Variants in ZNF625 observed in about 807,000 individuals in gnomAD.
ZNF625 encodes the protein zinc finger protein 625.
In ZNF625, 8 loss-of-function variants were observed where a neutral mutation model predicts 11.1. That is an observed-to-expected ratio of 0.72 (90% CI 0.42 to 1.30). ZNF625 has a LOEUF of 1.30. Among genes scored for constraint, ZNF625 ranks in the 50% most tolerant of loss-of-function variants. The pLI is 0.01. For missense variants in ZNF625, 349 were observed against 447.6 expected (o/e 0.78, Z 1.99); for synonymous variants, 145 against 153.4 (o/e 0.95, Z 0.41).
Position 12,146,075 on chromosome 19 carries a change from C to G in ZNF625, c.341G>C (p.Arg114Thr), listed in dbSNP as rs1165370523. ...EVSVGHASLN[R>T]HHRADTGHKP... ...GTGTCCAGTGTCAGCTCTGTGGTGCCTATTAAGGGATGCATGACCCACGCT... is the reference window on the plus strand; with the variant it reads ...GTGTCCAGTGTCAGCTCTGTGGTGCGTATTAAGGGATGCATGACCCACGCT... Residue 114 changes from arginine to threonine, a missense_variant, in exon 4 of 4, where the codon AGG becomes ACG. Physicochemically the swap from Arg to Thr is moderately conservative, Grantham distance 71. Transcript: ENST00000439556. 2.5e-6 allele frequency: 4 copies of G among 1,614,038 alleles called. No individual in the cohort carries two copies. Among genetic ancestry groups the G allele is most frequent in the Middle Eastern group, 1.6e-4 (1 of 6,062 alleles).
At chr19:12,150,414 G>A (rs1397085652) in intron 1 of ZNF625, among the ~76,000 whole-genome samples, 1 of 152,100 alleles carries the variant, frequency 6.6e-6, no homozygotes, top group African/African-American at 2.4e-5. Context: ...ACCCCACCCT[G>A]GCCCCTCCAA....
At position 12,145,198 on chromosome 19, in the gene ZNF625, G is replaced by C. The variant is rs1205521014; in HGVS notation, c.*99C>G. ...TGAATGCTGTCAAATGACAGTGACT[G>C]CAGAAGCTTCAGAATAATTTTGCGA... On this transcript the variant is annotated 3_prime_UTR_variant, in exon 4 of 4. Coordinates refer to ENST00000439556, the MANE Select transcript of ZNF625 (RefSeq NM_145233.4). 7.4e-7 allele frequency: 1 copy of C among 1,352,178 alleles called. No homozygotes were observed. Among genetic ancestry groups the C allele is most frequent in the Non-Finnish European group, 1.0e-6 (1 of 992,048 alleles). The allele number at this position is 1,352,178 out of a possible 1,614,324, so 83.8% of individuals were successfully genotyped here. A position where few individuals can be genotyped will look rare whatever the true frequency, so the allele number is the denominator to read the frequency against.
intron 1 of ZNF625, among the ~76,000 whole-genome samples, chr19:12,154,341 C>T (rs534555333): frequency 6.6e-6 from 1 of 152,266 alleles, no homozygotes; most frequent in African/African-American, 2.4e-5. Flanking sequence ...TCAGGAACTA[C>T]AGGTGGGTGC....
rs1390513210 is a variant in ZNF625 at position 12,155,214 on chromosome 19, G to T, written c.3+1342C>A. ...GCACTCCAGCCTGGGCGAGAGTGAG[G>T]CTCCATCTCAAAAAAAAAAAAAAAC... On this transcript the variant is annotated intron_variant, in intron 1 of 3. Coordinates refer to ENST00000439556, the MANE Select transcript of ZNF625 (RefSeq NM_145233.4). 2.2e-5 allele frequency among the ~76,000 whole-genome samples: 3 copies of T among 138,600 alleles called. No homozygotes were observed. The Admixed American group carries it at 2.2e-4, about 10-fold the overall frequency. The allele number at this position is 138,600 out of a possible 152,430, so 90.9% of individuals were successfully genotyped here. A position where few individuals can be genotyped will look rare whatever the true frequency, so the allele number is the denominator to read the frequency against.
chr19:12,156,648 G>T lies in ZNF625; in HGVS notation c.-90C>A. On this transcript the variant is annotated 5_prime_UTR_variant, in exon 1 of 4. Transcript: ENST00000439556. ...GGGCGATGGAGCGACAGAAGCTATG[G>T]CGGAGGCACCTGGTCCCTCTCGGGG... is the stretch of plus-strand genomic sequence containing the variant. The T allele has an allele frequency of 8.3e-7, 1 of 1,207,272 alleles. No individual in the cohort carries two copies. The highest frequency in any genetic ancestry group is 1.0e-6 in the Non-Finnish European group (1 of 958,892). The allele number at this position is 1,207,272 out of a possible 1,614,324, so 74.8% of individuals were successfully genotyped here.
At chr19:12,151,377 ATTT>A (rs35302529) in intron 1 of ZNF625, among the ~76,000 whole-genome samples, 5 of 111,670 alleles carry the variant, frequency 4.5e-5, no homozygotes, top group Admixed American at 2.7e-4. Context: ...CACCTGGGTA[ATTT>A]TTTTTTTTTT....
rs1382203540 is a variant in ZNF625, at chr19:12,145,661, C to T, written c.755G>A (p.Cys252Tyr). ...TGEKPYECSE[C>Y]GKAFHSSTCL... is the part of the protein sequence containing the mutation. ...TGTGGAACTATGGAATGCTTTCCCA[C>T]ACTCACTGCATTCATAAGGCTTCTC... The change falls in exon 4 of 4, where the codon TGT becomes TAT. Residue 252 changes from cysteine (C) to tyrosine (Y), a missense_variant. Transcript: ENST00000439556. 6.2e-7 allele frequency: 1 copy of T among 1,614,058 alleles called. No homozygotes were observed. The highest frequency in any genetic ancestry group is 1.3e-5 in the African/African-American group (1 of 74,908).
chr19:12,151,094 CTTT>C (rs35215456), intron 1 of ZNF625, among the ~76,000 whole-genome samples: 1 of 146,426 alleles, frequency 6.8e-6, no homozygotes, highest in African/African-American at 2.5e-5. Flanking sequence ...TTTATTTCTT[CTTT>C]TTTTTTTTAA....
At chr19:12,152,388 C>T (rs753894936) in intron 1 of ZNF625, among the ~76,000 whole-genome samples, 5 of 152,088 alleles carry the variant, frequency 3.3e-5, no homozygotes, top group Admixed American at 6.6e-5. Context: ...ATATCATACC[C>T]GTGATGAAGT....
intron 1 of ZNF625, among the ~76,000 whole-genome samples, chr19:12,155,901 G>A (rs1178591691): frequency 1.3e-5 from 2 of 152,128 alleles, no homozygotes; most frequent in African/African-American, 2.4e-5. Flanking sequence ...GCCCAGGCTG[G>A]AGTGCAGTGG....
rs538854954 is a variant in ZNF625 at position 12,145,023 on chromosome 19, AT to A, written c.*273del. 1.9e-4 allele frequency: 68 copies of A among 352,326 alleles called. No individual in the cohort carries two copies. The highest frequency in any genetic ancestry group is 2.6e-4 in the East Asian group (5 of 19,474). The allele number at this position is 352,326 out of a possible 1,614,324, so 21.8% of individuals were successfully genotyped here. On this transcript the variant is annotated 3_prime_UTR_variant, in exon 4 of 4. Transcript: ENST00000439556. ...GCCACTGCACCCGGCCAAACCTCGT[AT>A]TTTTTTTATGACAGAACTGTCTTAA...
chr19:12,147,819 G>A lies in ZNF625; in HGVS notation c.4-17C>T. The A allele has an allele frequency of 6.2e-7, 1 of 1,612,858 alleles. No homozygotes were observed. Among genetic ancestry groups the A allele is most frequent in the Non-Finnish European group, 8.5e-7 (1 of 1,179,594 alleles). The stretch of plus-strand genomic sequence containing the variant: ...CACTGAATCCTGAAACATCCCACAT[G>A]TGTAAAGAAACATGGGTGAGACTGA... On this transcript the variant is annotated splice_polypyrimidine_tract_variant and intron_variant, in intron 1 of 3. Coordinates refer to ENST00000439556, the MANE Select transcript of ZNF625 (RefSeq NM_145233.4).
rs1013536708 is a variant in ZNF625 at position 12,148,810 on chromosome 19, G to T, written c.4-1008C>A. ...TAATTTTTGTATTTTTTTTAGTAGA[G>T]ACAGGGTTTCACCGTCTTGGCCAGG... On this transcript the variant is annotated intron_variant, in intron 1 of 3. Coordinates refer to ENST00000439556, the MANE Select transcript of ZNF625 (RefSeq NM_145233.4). Among the ~76,000 whole-genome samples, 18 of 151,364 alleles carry T rather than the reference G, an allele frequency of 1.2e-4. No individual in the cohort carries two copies. In the East Asian group the frequency reaches 1.6e-3, roughly 13 times the overall value.
In ZNF625 at chr19:12,150,797, C is replaced by T. The variant is rs943474182; in HGVS notation, c.4-2995G>A. On this transcript the variant is annotated intron_variant, in intron 1 of 3. Transcript: ENST00000439556. ...GTGTCCTGAGAGTATCTCCCACTCA[C>T]ATATCCAGAACTCTGGGTCAGACTT... is the stretch of plus-strand genomic sequence containing the variant. Among the ~76,000 whole-genome samples, 5 of 152,188 alleles carry T rather than the reference C, an allele frequency of 3.3e-5. No individual in the cohort carries two copies. In the East Asian group the frequency reaches 5.8e-4, roughly 18 times the overall value.
chr19:12,146,220 G>T lies in ZNF625; in HGVS notation c.196C>A (p.Leu66Ile). The change falls in exon 4 of 4, where the codon CTT becomes ATT. Residue 66 changes from leucine to isoleucine, a missense_variant. By Grantham distance (5) the Leu-to-Ile change is conservative. Coordinates refer to ENST00000439556, the MANE Select transcript of ZNF625 (RefSeq NM_145233.4). ...CTTTCTAAGAGTCTCTCTCCCATAA[G>T]ACCTCTGTGAACAATGAGAAGTATA... ...YKNPRRNLRGLMGERLLESKK... is the reference protein window; with the variant it reads ...YKNPRRNLRGIMGERLLESKK... 6.2e-7 allele frequency: 1 copy of T among 1,612,542 alleles called. No individual in the cohort carries two copies. Among genetic ancestry groups the T allele is most frequent in the African/African-American group, 1.3e-5 (1 of 74,880 alleles).
intron 1 of ZNF625, among the ~76,000 whole-genome samples, chr19:12,154,753 C>A (rs1977003888): frequency 6.6e-6 from 1 of 152,164 alleles, no homozygotes; most frequent in African/African-American, 2.4e-5. Context: ...AAAACCTAAG[C>A]TCCCCATCCC....
chr19:12,151,080 G>A (rs1976947529), intron 1 of ZNF625, among the ~76,000 whole-genome samples: 1 of 148,984 alleles, frequency 6.7e-6, no homozygotes, highest in Non-Finnish European at 1.5e-5. Flanking sequence ...AATACTCTTT[G>A]CAATTTATTT....
At chr19:12,154,289 C>T (rs908127257) in intron 1 of ZNF625, among the ~76,000 whole-genome samples, 2 of 152,188 alleles carry the variant, frequency 1.3e-5, no homozygotes, top group African/African-American at 4.8e-5. Flanking sequence ...CAGCATCAAA[C>T]TCCTGGGGTC....
intron 1 of ZNF625, among the ~76,000 whole-genome samples, chr19:12,151,094 CT>C (rs35215456): frequency 0.17 from 24,991 of 146,294 alleles, 2,337 homozygotes; most frequent in African/African-American, 0.26. Flanking sequence ...TTTATTTCTT[CT>C]TTTTTTTTTT....
Sources: gnomAD v4.1 joint callset for allele counts (sites outside exome capture counted in the v4.1 genomes callset) on GRCh38, gnomAD v4.1.1 for gene constraint, MANE v1.5 for transcripts, NCBI Gene and HGNC (gene_info 2026-07-23, HGNC 2026-07-21) for gene names.